The following GAK variants were observed in gnomAD, a reference collection of about 807,000 sequenced individuals.
The protein encoded by GAK is cyclin G associated kinase.
Under a neutral mutation model 143.9 loss-of-function variants are expected in GAK, and 79 were observed. The ratio of observed to expected loss-of-function variants is 0.55; its 90% CI spans 0.46 to 0.66. The LOEUF is 0.66. Among genes scored for constraint, GAK ranks in the 30% least tolerant of loss-of-function variants. The pLI, the probability that GAK is intolerant of heterozygous loss-of-function variation, is 0.00. For missense variants in GAK, 1,693 were observed against 1,779.7 expected, an observed-to-expected ratio of 0.95 and a Z score of 0.88; for synonymous variants, 881 against 765.5, an observed-to-expected ratio of 1.15 and a Z score of -2.49.
chr4:863,446 G>A (rs1052997001), intron 23 of GAK, among the ~76,000 whole-genome samples: 2 of 152,208 alleles, frequency 1.3e-5, no homozygotes, highest in African/African-American at 2.4e-5. Context: ...TGGGAGGACG[G>A]AAGAAGCTCC....
At chr4:870,607 A>T (rs1162614740) in intron 19 of GAK, 104 bp downstream of exon 19, 6 of 1,193,962 alleles carry the variant, frequency 5.0e-6, no homozygotes, top group Non-Finnish European at 7.2e-6. Flanking sequence ...TGGGTGCAGC[A>T]GCAGGCGTGG....
intron 11 of GAK, chr4:886,811 ATCT>A (rs1413325247): frequency 1.3e-5 from 2 of 152,304 alleles, no homozygotes; most frequent in East Asian, 1.9e-4. Flanking sequence ...GCTGCCTCTG[ATCT>A]TCTGTCAGCC....
chr4:897,810 G>A (rs1334250547), intron 6 of GAK, among the ~76,000 whole-genome samples: 1 of 152,228 alleles, frequency 6.6e-6, no homozygotes, highest in Non-Finnish European at 1.5e-5. Flanking sequence ...TTAGCTGGGC[G>A]TGGTGGTGTG....
In GAK at chr4:849,654, A is replaced by AGCC. The variant is rs761123478; in HGVS notation, c.*16_*18dup. 6.3e-7 allele frequency: 1 copy of AGCC among 1,590,388 alleles called. No homozygotes were observed. The highest frequency in any genetic ancestry group is 8.6e-7 in the Non-Finnish European group (1 of 1,161,456). On this transcript the variant is annotated 3_prime_UTR_variant, in exon 28 of 28. Transcript: ENST00000314167. ...TCCCAACCTGTGGAGCTGTGTGCGC[A>AGCC]GCCACCACCACTGCGGCCTCAGAAG...
intron 5 of GAK, among the ~76,000 whole-genome samples, chr4:900,061 G>A (rs1719562891): frequency 6.6e-6 from 1 of 152,282 alleles, no homozygotes; most frequent in Non-Finnish European, 1.5e-5. Context: ...CTCGGATGCA[G>A]AGCACACAGC....
At chr4:885,717 G>A (rs1161528871) in intron 11 of GAK, 1 of 152,092 alleles carries the variant, frequency 6.6e-6, no homozygotes, top group Non-Finnish European at 1.5e-5. Context: ...TGACTCCTGG[G>A]CTTGTCCGTG....
In GAK at chr4:868,579, G is replaced by T; in HGVS notation, c.2355C>A (p.Ser785Arg). Residue 785 changes from serine to arginine, a missense_variant, in exon 20 of 28, where the codon AGC (serine) becomes AGA (arginine). By Grantham distance (110) the Ser-to-Arg change is moderately radical (BLOSUM62 -1). Coordinates refer to ENST00000314167, the MANE Select transcript of GAK (RefSeq NM_005255.4). ...TGTGCAGGAAGCGACTGGCGTCCGCGCTGCTGCTTGGCGGTGAGTCAGAGT... is the reference window on the plus strand; with the variant it reads ...TGTGCAGGAAGCGACTGGCGTCCGCTCTGCTGCTTGGCGGTGAGTCAGAGT... ...PTDSDSPPSS[S>R]ADASRFLHTL... The T allele has an allele frequency of 6.2e-7, 1 of 1,605,918 alleles. No homozygotes were observed.
chr4:884,398 G>A, intron 11 of GAK: 1 of 346,336 alleles, frequency 2.9e-6, no homozygotes, highest in Non-Finnish European at 5.4e-6. Context: ...CACGGCCCAG[G>A]AGTGGGCTGG....
chr4:876,619 G>A lies in GAK; in HGVS notation c.1975-10C>T. On this transcript the variant is annotated splice_polypyrimidine_tract_variant and intron_variant, in intron 17 of 27. Coordinates refer to ENST00000314167, the MANE Select transcript of GAK (RefSeq NM_005255.4). ...TCTTCATGGATGCCATCTGCAAAGA[G>A]AGCAAACACGACACCCCACGTGGAG... 6.2e-7 allele frequency: 1 copy of A among 1,612,990 alleles called. No homozygotes were observed. The highest frequency in any genetic ancestry group is 8.5e-7 in the Non-Finnish European group (1 of 1,178,998).
chr4:851,738 T>G lies in GAK; in HGVS notation c.3508+12A>C. ...CTGCAAACTCCACAGCAACAGAGAG[T>G]GGGGGACTCACCAAAGCTGGGTGCG... On this transcript the variant is annotated intron_variant, in intron 25 of 27. Transcript: ENST00000314167. The G allele has an allele frequency of 1.2e-6, 2 of 1,610,968 alleles. No homozygotes were observed. The highest frequency in any genetic ancestry group is 1.7e-6 in the Non-Finnish European group (2 of 1,178,436).
chr4:866,997 A>G lies in GAK; in HGVS notation c.2831T>C (p.Leu944Pro). 1 of 1,498,526 alleles carries G rather than the reference A, an allele frequency of 6.7e-7. No individual in the cohort carries two copies. Among genetic ancestry groups the G allele is most frequent in the Non-Finnish European group, 8.9e-7 (1 of 1,124,106 alleles). The allele number at this position is 1,498,526 out of a possible 1,614,324, so 92.8% of individuals were successfully genotyped here. ...PLLLASPAPP[L>P]SVQSTPRGGP... ...TCCTCTTGGGGTGCTCTGCACGCTC[A>G]GGGGAGGGGCCGGGCTTGCCAGGAG... The change falls in exon 21 of 28, where the codon CTG becomes CCG. Residue 944 changes from leucine to proline, a missense_variant. Coordinates refer to ENST00000314167, the MANE Select transcript of GAK (RefSeq NM_005255.4).
chr4:922,423 G>T (rs1467973422), intron 1 of GAK, among the ~76,000 whole-genome samples: 2 of 149,694 alleles, frequency 1.3e-5, no homozygotes. Context: ...ACTGAGGCAA[G>T]AGAACTGCTT....
chr4:868,400 T>A, intron 20 of GAK, 139 bp downstream of exon 20: 1 of 714,004 alleles, frequency 1.4e-6, no homozygotes, highest in Non-Finnish European at 2.3e-6. Flanking sequence ...CAGGCTGACA[T>A]GCCGGGTGCA....
chr4:867,061 G>T lies in GAK; in HGVS notation c.2767C>A (p.Gln923Lys). The T allele has an allele frequency of 6.5e-7, 1 of 1,530,954 alleles. No homozygotes were observed. The highest frequency in any genetic ancestry group is 8.8e-7 in the Non-Finnish European group (1 of 1,139,538). 94.8% of individuals were successfully genotyped at this position (1,530,954 alleles called of 1,614,324 possible). The change falls in exon 21 of 28, where the codon CAG becomes AAG. Residue 923 changes from glutamine (Q) to lysine (K), a missense_variant. Around this residue, in one of 2 missense-constraint regions of GAK, gnomAD observed 822 missense variants for 788.7 expected, o/e 1.04. Transcript: ENST00000314167. ...CLLGPPEAAS[Q>K]GPPEDLLSED... ...CTGAGCAGATCCTCCGGGGGCCCCT[G>T]GGAGGCGGCCTCAGGGGGCCCAAGG...
Position 928,117 on chromosome 4 carries a change from G to T in GAK, c.145+3926C>A, listed in dbSNP as rs573829981. ...CTGTCGTCCAGGCTGGAGTGCAGTG[G>T]TGCAATCTTAGCTCACTGCAGCCTC... On this transcript the variant is annotated intron_variant, in intron 1 of 27. Coordinates refer to ENST00000314167, the MANE Select transcript of GAK (RefSeq NM_005255.4). 1.2e-4 allele frequency among the ~76,000 whole-genome samples: 19 copies of T among 152,330 alleles called. No individual in the cohort carries two copies. The East Asian group carries it at 3.7e-3, about 29-fold the overall frequency.
chr4:890,660 T>C, intron 9 of GAK, 38 bp from the exon 10 acceptor site: 2 of 1,564,694 alleles, frequency 1.3e-6, no homozygotes, highest in Non-Finnish European at 1.7e-6. Context: ...TTCTCTAAAC[T>C]GACAACTCAC....
At chr4:897,900 G>T in intron 6 of GAK, 133 bp downstream of exon 6, 3 of 1,024,270 alleles carry the variant, frequency 2.9e-6, no homozygotes, top group Non-Finnish European at 4.1e-6. Flanking sequence ...AGTGAGCCGG[G>T]ATTGCACCAC....
chr4:887,144 CGT>C (rs1560361503), intron 11 of GAK: 5 of 151,916 alleles, frequency 3.3e-5, no homozygotes, highest in Non-Finnish European at 7.4e-5. Flanking sequence ...CACACACATG[CGT>C]ACACATGCAC....
intron 1 of GAK, among the ~76,000 whole-genome samples, chr4:930,923 C>A (rs964472285): frequency 6.6e-6 from 1 of 152,214 alleles, no homozygotes; most frequent in Non-Finnish European, 1.5e-5. Context: ...CCTGGACAGG[C>A]TAACCCTCCA....
Sources: allele counts gnomAD v4.1 joint callset (sites outside exome capture counted in the v4.1 genomes callset), GRCh38; gene constraint gnomAD v4.1.1; regional missense constraint gnomAD v4.1.1; transcripts MANE v1.5; gene names NCBI Gene and HGNC (gene_info 2026-07-23, HGNC 2026-07-21).